Variants in TRPM7 observed in about 807,000 individuals in gnomAD.
The protein encoded by TRPM7 is transient receptor potential cation channel subfamily M member 7.
TRPM7 carries 134 observed loss-of-function variants against 229.7 expected under a neutral mutation model. The observed-to-expected ratio is 0.58, with a 90% CI of 0.51 to 0.67. TRPM7 has a LOEUF of 0.67. TRPM7 is among the 30% of genes least tolerant of loss of function. The pLI, the probability that TRPM7 is intolerant of heterozygous loss-of-function variation, is 0.00. For missense variants in TRPM7, 1,901 were observed against 2,210.0 expected (o/e 0.86, Z 2.80); for synonymous variants, 699 against 715.2 (o/e 0.98, Z 0.36).
intron 7 of TRPM7, 96 bp downstream of exon 7, chr15:50,637,326 A>G: frequency 1.8e-6 from 2 of 1,138,174 alleles, no homozygotes; most frequent in Non-Finnish European, 2.5e-6. Context: ...GCTATGTAAG[A>G]AAGAGCACTT....
At chr15:50,670,907 C>T (rs890824926) in intron 1 of TRPM7, among the ~76,000 whole-genome samples, 57 of 151,898 alleles carry the variant, frequency 3.8e-4, no homozygotes, top group African/African-American at 1.3e-3. Flanking sequence ...GGTGCAGTAG[C>T]TCTTGCCTGT....
At chr15:50,565,786 T>A (rs2053571451) in intron 38 of TRPM7, among the ~76,000 whole-genome samples, 1 of 152,004 alleles carries the variant, frequency 6.6e-6, no homozygotes, top group Non-Finnish European at 1.5e-5. Flanking sequence ...ATACATTACT[T>A]TCCAAAGCAC....
At chr15:50,576,064 T>C (rs953470534) in intron 31 of TRPM7, 145 bp from the exon 32 acceptor site, 15 of 763,304 alleles carry the variant, frequency 2.0e-5, no homozygotes, top group African/African-American at 1.9e-4. Context: ...ATAAAATATG[T>C]CCACTGTGCT....
intron 3 of TRPM7, among the ~76,000 whole-genome samples, chr15:50,656,194 G>A (rs1056197807): frequency 2.0e-5 from 3 of 152,070 alleles, no homozygotes; most frequent in Non-Finnish European, 2.9e-5. Context: ...CTTTGGCATC[G>A]TCAAACAAGA....
At chr15:50,602,077 T>C (rs981640611) in intron 21 of TRPM7, among the ~76,000 whole-genome samples, 1 of 151,970 alleles carries the variant, frequency 6.6e-6, no homozygotes, top group South Asian at 2.1e-4. Flanking sequence ...TAAAGACACA[T>C]GCACACGTAT....
chr15:50,678,520 ATATAT>A (rs765059132), intron 1 of TRPM7, among the ~76,000 whole-genome samples: 106 of 100,446 alleles, frequency 1.1e-3, no homozygotes, highest in African/African-American at 3.2e-3. Context: ...AAAAAAAAAT[ATATAT>A]ATATATATAT....
At chr15:50,606,647 C>T (rs1030734854) in intron 20 of TRPM7, among the ~76,000 whole-genome samples, 13 of 151,862 alleles carry the variant, frequency 8.6e-5, no homozygotes, top group African/African-American at 3.1e-4. Context: ...TACAGGTGGC[C>T]GCCACCATGC....
In TRPM7 at chr15:50,629,718, T is replaced by C. The variant is rs773230040; in HGVS notation, c.1205-1469A>G. On this transcript the variant is annotated intron_variant, in intron 10 of 38. Transcript: ENST00000646667. The stretch of plus-strand genomic sequence containing the variant: ...ACATTTCTATTCCTTAGTTTCCTCA[T>C]CTATAAAATGAGTAAAGCCATAGGA... Among the ~76,000 whole-genome samples the C allele has an allele frequency of 3.3e-5, 5 of 152,154 alleles. No homozygotes were observed. The South Asian group carries it at 8.3e-4, about 25-fold the overall frequency.
At chr15:50,621,153 G>A (rs760330749) in intron 12 of TRPM7, among the ~76,000 whole-genome samples, 10 of 80,630 alleles carry the variant, frequency 1.2e-4, no homozygotes, top group African/African-American at 1.7e-4. Context: ...GCGAGACTCC[G>A]TCTCAAAAAA....
intron 13 of TRPM7, 35 bp from the exon 14 acceptor site, chr15:50,614,298 T>C (rs760716986): frequency 3.2e-6 from 5 of 1,555,882 alleles, no homozygotes; most frequent in Non-Finnish European, 4.3e-6. Context: ...ATAGATCAGA[T>C]AGCACTTCTC....
intron 9 of TRPM7, among the ~76,000 whole-genome samples, chr15:50,632,573 T>G (rs2060770182): frequency 6.6e-6 from 1 of 152,180 alleles, no homozygotes; most frequent in South Asian, 2.1e-4. Flanking sequence ...TAACAACTCT[T>G]TATAGTTCTT....
chr15:50,671,954 A>G (rs1018147477), intron 1 of TRPM7, among the ~76,000 whole-genome samples: 1 of 151,612 alleles, frequency 6.6e-6, no homozygotes, highest in African/African-American at 2.4e-5. Flanking sequence ...TGTACAGTAC[A>G]TAATACTTTG....
chr15:50,569,912 A>G lies in TRPM7; in HGVS notation c.5442T>C (p.Ser1814=). The change falls in exon 38 of 39, where the codon TCT becomes TCC. Residue 1814 remains serine (S), a synonymous_variant. Coordinates refer to ENST00000646667, the MANE Select transcript of TRPM7 (RefSeq NM_017672.6). ...CTGGAAGTTTAAGCTTTCTACAGCA[A>G]GAATTACAGTGATGTTTTGCTCTGA... ...KNFRAKHHCN[S]CCRKLKLPDL... is the part of the protein sequence containing the mutation. The G allele has an allele frequency of 2.5e-6, 4 of 1,608,092 alleles. No individual in the cohort carries two copies. The African/African-American group carries it at 5.4e-5, about 22-fold the overall frequency.
At chr15:50,578,599 T>G in intron 31 of TRPM7, 40 bp downstream of exon 31, 3 of 1,593,504 alleles carry the variant, frequency 1.9e-6, no homozygotes, top group Non-Finnish European at 1.7e-6. Context: ...TCATGTAAGA[T>G]TCTCATTTTT....
chr15:50,675,507 C>T (rs1438641620), intron 1 of TRPM7, among the ~76,000 whole-genome samples: 1 of 152,134 alleles, frequency 6.6e-6, no homozygotes, highest in Non-Finnish European at 1.5e-5. Flanking sequence ...ACTTGTTACA[C>T]AGGAATCGGC....
intron 25 of TRPM7, 103 bp downstream of exon 25, chr15:50,593,514 T>C: frequency 1.6e-6 from 2 of 1,256,538 alleles, no homozygotes; most frequent in Non-Finnish European, 2.2e-6. Flanking sequence ...GTAACTATGC[T>C]TATTGTTTGA....
At chr15:50,633,083 G>C in intron 8 of TRPM7, 91 bp from the exon 9 acceptor site, 1 of 1,131,204 alleles carries the variant, frequency 8.8e-7, no homozygotes, top group Non-Finnish European at 1.2e-6. Flanking sequence ...TAAGACCTTT[G>C]AAAATAATGG....
chr15:50,661,306 G>T (rs111707197), intron 2 of TRPM7, among the ~76,000 whole-genome samples: 11 of 152,048 alleles, frequency 7.2e-5, no homozygotes, highest in African/African-American at 2.7e-4. Context: ...AATATCTGTA[G>T]TATGAAAAGC....
chr15:50,656,934 C>T (rs1209631509), intron 3 of TRPM7, among the ~76,000 whole-genome samples: 1 of 152,160 alleles, frequency 6.6e-6, no homozygotes, highest in Non-Finnish European at 1.5e-5. Flanking sequence ...AAACATCTTA[C>T]TTCAGGTTCT....
Sources: gnomAD v4.1 joint callset for allele counts (sites outside exome capture counted in the v4.1 genomes callset) on GRCh38, gnomAD v4.1.1 for gene constraint, MANE v1.5 for transcripts, NCBI Gene and HGNC (gene_info 2026-07-23, HGNC 2026-07-21) for gene names.